SMAD6: variants seen among roughly 807,000 people sequenced by gnomAD.
The protein encoded by SMAD6 is SMAD family member 6.
Under a neutral mutation model 39.4 loss-of-function variants are expected in SMAD6, and 103 were observed. The ratio of observed to expected loss-of-function variants is 2.62; its 90% CI spans 2.23 to 3.08. The LOEUF is 3.08. SMAD6 is among the 30% of genes most tolerant of loss of function. SMAD6 has a pLI of 0.00. For missense variants in SMAD6, 1,104 were observed against 742.9 expected, an observed-to-expected ratio of 1.49 and a Z score of -5.65; for synonymous variants, 445 against 353.3, an observed-to-expected ratio of 1.26 and a Z score of -2.91.
chr15:66,752,546 G>A (rs1029691946), intron 3 of SMAD6, among the ~76,000 whole-genome samples: 2 of 152,156 alleles, frequency 1.3e-5, no homozygotes, highest in African/African-American at 2.4e-5. Flanking sequence ...AGCACTTTGG[G>A]AGGCTGAGGC....
chr15:66,723,171 G>A (rs1893464067), intron 3 of SMAD6, among the ~76,000 whole-genome samples: 1 of 152,176 alleles, frequency 6.6e-6, no homozygotes, highest in Non-Finnish European at 1.5e-5. Flanking sequence ...CATGAGGAGG[G>A]AGGGGATGGG....
intron 3 of SMAD6, among the ~76,000 whole-genome samples, chr15:66,766,212 G>C (rs1284163529): frequency 6.6e-6 from 1 of 152,160 alleles, no homozygotes; most frequent in Non-Finnish European, 1.5e-5. Context: ...GGGATGGGGG[G>C]CAGGGGGCAG....
At chr15:66,753,523 T>C (rs116173351) in intron 3 of SMAD6, among the ~76,000 whole-genome samples, 1,688 of 152,246 alleles carry the variant, frequency 0.011, 31 homozygotes, top group African/African-American at 0.039. Context: ...GTCCATTCCA[T>C]AGATGGAGAA....
chr15:66,779,603 G>T (rs534673925), intron 3 of SMAD6, among the ~76,000 whole-genome samples: 1 of 152,350 alleles, frequency 6.6e-6, no homozygotes, highest in South Asian at 2.1e-4. Flanking sequence ...TTCTTCTGGG[G>T]CTTCTAGGCA....
intron 3 of SMAD6, among the ~76,000 whole-genome samples, chr15:66,759,351 AG>A (rs1894159286): frequency 6.6e-6 from 1 of 152,166 alleles, no homozygotes; most frequent in South Asian, 2.1e-4. Flanking sequence ...AGAGAGAGAG[AG>A]AGAGAGAAAT....
intron 3 of SMAD6, among the ~76,000 whole-genome samples, chr15:66,720,585 A>G (rs1409080668): frequency 5.3e-5 from 8 of 152,222 alleles, no homozygotes; most frequent in African/African-American, 1.4e-4. Flanking sequence ...GTCTTATTCT[A>G]GTGCCTGTAA....
chr15:66,727,242 AC>A (rs1893538902), intron 3 of SMAD6, among the ~76,000 whole-genome samples: 1 of 151,910 alleles, frequency 6.6e-6, no homozygotes, highest in Admixed American at 6.6e-5. Context: ...AGCTGGGACT[AC>A]AAGCGTGCGC....
chr15:66,710,033 A>AG (rs1172544153), intron 1 of SMAD6, among the ~76,000 whole-genome samples: 9 of 152,198 alleles, frequency 5.9e-5, no homozygotes, highest in Non-Finnish European at 1.3e-4. Context: ...GCGGGGATGA[A>AG]GGGGTGTAAG....
Position 66,711,667 on chromosome 15 carries a change from G to C in SMAD6, c.818-1G>C, listed in dbSNP as rs952876781. The C allele has an allele frequency of 1.2e-6, 2 of 1,613,758 alleles. No homozygotes were observed. The highest frequency in any genetic ancestry group is 1.7e-6 in the Non-Finnish European group (2 of 1,179,664). On this transcript the variant is annotated splice_acceptor_variant, in intron 1 of 3. Coordinates refer to ENST00000288840, the MANE Select transcript of SMAD6 (RefSeq NM_005585.5). LOFTEE classifies it high-confidence loss of function. ...GTGACATGCTGTCTCCTGTCTTCCA[G>C]AATCTCCGCCACCTCCCTACTCTCG...
chr15:66,716,750 CTT>C (rs925719183), intron 3 of SMAD6, among the ~76,000 whole-genome samples: 3 of 152,342 alleles, frequency 2.0e-5, no homozygotes, highest in African/African-American at 4.8e-5. Flanking sequence ...TTGTCTCTCT[CTT>C]GTCTCACTTG....
chr15:66,765,832 A>G (rs1490419810), intron 3 of SMAD6, among the ~76,000 whole-genome samples: 1 of 152,204 alleles, frequency 6.6e-6, no homozygotes, highest in Non-Finnish European at 1.5e-5. Context: ...TTCTTGCAGC[A>G]GTAGCCACAA....
chr15:66,717,560 C>G (rs1255862255), intron 3 of SMAD6: 1 of 421,212 alleles, frequency 2.4e-6, no homozygotes, highest in Non-Finnish European at 4.9e-6. Flanking sequence ...TTGATGTAGT[C>G]TCTCTGCAAC....
rs1370061779 is a variant in SMAD6, at chr15:66,702,662, A to G, written c.-597A>G. ...GACGGCGTTGGCCTTTCGTGCATGC[A>G]AATCCAGGGATTTAGGTTTTGTTTG... On this transcript the variant is annotated 5_prime_UTR_variant, in exon 1 of 4. Coordinates refer to ENST00000288840, the MANE Select transcript of SMAD6 (RefSeq NM_005585.5). 6.6e-6 allele frequency: 1 copy of G among 152,462 alleles called. No individual in the cohort carries two copies. The highest frequency in any genetic ancestry group is 1.5e-5 in the Non-Finnish European group (1 of 68,062). 9.4% of individuals were successfully genotyped at this position (152,462 alleles called of 1,614,324 possible).
intron 2 of SMAD6, among the ~76,000 whole-genome samples, chr15:66,715,888 G>A (rs1407597679): frequency 6.6e-6 from 1 of 152,076 alleles, no homozygotes; most frequent in Non-Finnish European, 1.5e-5. Flanking sequence ...TAATCTGGGA[G>A]CAAATGCTTG....
At chr15:66,771,174 G>A (rs1294774130) in intron 3 of SMAD6, among the ~76,000 whole-genome samples, 2 of 152,262 alleles carry the variant, frequency 1.3e-5, no homozygotes, top group Middle Eastern at 3.4e-3. Flanking sequence ...TGGGGCCTCC[G>A]GTTTCATCCT....
chr15:66,761,181 C>T (rs1439062317), intron 3 of SMAD6, among the ~76,000 whole-genome samples: 2 of 152,148 alleles, frequency 1.3e-5, no homozygotes, highest in Admixed American at 1.3e-4. Flanking sequence ...GGACTCTTAC[C>T]TGGTCTGTGG....
chr15:66,736,107 G>A (rs1893708398), intron 3 of SMAD6, among the ~76,000 whole-genome samples: 1 of 152,168 alleles, frequency 6.6e-6, no homozygotes. Flanking sequence ...CAAGCATCTT[G>A]CTGCCTTCTT....
chr15:66,727,312 A>G (rs1188399172), intron 3 of SMAD6, among the ~76,000 whole-genome samples: 1 of 152,134 alleles, frequency 6.6e-6, no homozygotes, highest in Non-Finnish European at 1.5e-5. Flanking sequence ...CATGTTGGCC[A>G]GGCTGGTCTC....
rs1002719589 is a variant in SMAD6 at position 66,702,813 on chromosome 15, T to A, written c.-446T>A. 4.9e-4 allele frequency: 78 copies of A among 157,960 alleles called. No individual in the cohort carries two copies. Among genetic ancestry groups the A allele is most frequent in the Non-Finnish European group, 9.0e-4 (65 of 72,310 alleles). 9.8% of individuals were successfully genotyped at this position (157,960 alleles called of 1,614,324 possible). On this transcript the variant is annotated 5_prime_UTR_variant, in exon 1 of 4. Transcript: ENST00000288840. ...GCCCATGTAGTTAAGCGCTTTGGTT[T>A]AAAAAAAAGGCAAGGTAAAGGCAGG... is the stretch of plus-strand genomic sequence containing the variant.
Sources: gnomAD v4.1 joint callset for allele counts (sites outside exome capture counted in the v4.1 genomes callset) on GRCh38, gnomAD v4.1.1 for gene constraint, MANE v1.5 for transcripts, NCBI Gene and HGNC (gene_info 2026-07-23, HGNC 2026-07-21) for gene names.